The following ZNF83 variants were observed in gnomAD, a reference collection of about 807,000 sequenced individuals.
ZNF83 encodes zinc finger protein 816B.
For missense variants in ZNF83, 552 were observed against 629.9 expected (o/e 0.88, Z 1.32); for synonymous variants, 209 against 213.0 (o/e 0.98, Z 0.17).
At chr19:52,622,569 T>A (rs190759373) in intron 2 of ZNF83, among the ~76,000 whole-genome samples, 4 of 152,122 alleles carry the variant, frequency 2.6e-5, no homozygotes, top group African/African-American at 7.3e-5. Context: ...AGATTATGAT[T>A]TCCTGCCTAG....
In ZNF83 at chr19:52,613,100, C is replaced by G. The variant is rs1434814707; in HGVS notation, c.1465G>C (p.Glu489Gln). 2 of 1,613,820 alleles carry G rather than the reference C, an allele frequency of 1.2e-6. No individual in the cohort carries two copies. Among genetic ancestry groups the G allele is most frequent in the African/African-American group, 1.3e-5 (1 of 74,926 alleles). The change falls in exon 3 of 3, where the codon GAA becomes CAA. Residue 489 changes from glutamate to glutamine, a missense_variant. Transcript: ENST00000301096. ...TTGTCGCGGAAGAGTTTGCCACATT[C>G]ATTACATTTGAAATGTTTCTCTCCA...
chr19:52,676,748 A>G (rs1313202133), intron 1 of ZNF83, among the ~76,000 whole-genome samples: 21 of 139,948 alleles, frequency 1.5e-4, no homozygotes, highest in Non-Finnish European at 2.5e-4. Context: ...AGAAAGAAGT[A>G]GACATGGGAG....
At chr19:52,666,851 G>A (rs1462111150) in intron 1 of ZNF83, among the ~76,000 whole-genome samples, 1 of 152,166 alleles carries the variant, frequency 6.6e-6, no homozygotes, top group Non-Finnish European at 1.5e-5. Context: ...TCTCCCAGGT[G>A]ACTGAGGGAA....
chr19:52,615,841 C>CTTTT (rs930625266), intron 2 of ZNF83, among the ~76,000 whole-genome samples: 5 of 152,006 alleles, frequency 3.3e-5, no homozygotes, highest in Non-Finnish European at 7.4e-5. Flanking sequence ...ACTGATAAAT[C>CTTTT]TTTTTTTTCT....
intron 1 of ZNF83, among the ~76,000 whole-genome samples, chr19:52,683,069 C>G (rs2061949149): frequency 1.2e-5 from 1 of 80,122 alleles, no homozygotes; most frequent in South Asian, 3.0e-4. Context: ...TGAGGTTTCA[C>G]CATGTTGGCC....
chr19:52,643,833 C>T (rs2061338940), intron 3 of ZNF83, among the ~76,000 whole-genome samples: 1 of 152,130 alleles, frequency 6.6e-6, no homozygotes, highest in Non-Finnish European at 1.5e-5. Context: ...ACAGTGCTGT[C>T]ATCATTTAGG....
chr19:52,619,753 G>A (rs1197581188), intron 2 of ZNF83, among the ~76,000 whole-genome samples: 1 of 152,156 alleles, frequency 6.6e-6, no homozygotes, highest in Non-Finnish European at 1.5e-5. Context: ...CGGGCTCAAT[G>A]GCACATGCCT....
rs540491221 is a variant in ZNF83 at position 52,684,357 on chromosome 19, C to T, written c.-283+6086G>A. Among the ~76,000 whole-genome samples the T allele has an allele frequency of 2.8e-3, 423 of 151,616 alleles. 3 individuals are homozygous for T. The highest frequency in any genetic ancestry group is 9.9e-3 in the African/African-American group (408 of 41,342). ...CTCCAGCCTGGGTGACAGAGTGAGA[C>T]TCAAAAATAAAATATAATAAAATAA... On this transcript the variant is annotated intron_variant, in intron 1 of 5. Transcript: ENST00000594682.
intron 2 of ZNF83, among the ~76,000 whole-genome samples, chr19:52,625,053 G>A (rs1005048797): frequency 6.6e-6 from 1 of 151,046 alleles, no homozygotes; most frequent in African/African-American, 2.4e-5. Flanking sequence ...CTCCTTTCGT[G>A]TTCCTCATCC....
chr19:52,660,073 C>T (rs2061559242), intron 2 of ZNF83, among the ~76,000 whole-genome samples: 1 of 151,968 alleles, frequency 6.6e-6, no homozygotes, highest in African/African-American at 2.4e-5. Context: ...CGACTGTAAT[C>T]CCAGCTACTC....
At chr19:52,687,560 TTTATA>T (rs2062053451) in intron 1 of ZNF83, among the ~76,000 whole-genome samples, 3 of 29,610 alleles carry the variant, frequency 1.0e-4, no homozygotes, top group African/African-American at 3.1e-4. Flanking sequence ...ATGTGTAAAT[TTTATA>T]TATATATAAA....
intron 3 of ZNF83, among the ~76,000 whole-genome samples, chr19:52,645,862 A>C (rs1156856140): frequency 6.6e-6 from 1 of 152,012 alleles, no homozygotes; most frequent in Non-Finnish European, 1.5e-5. Flanking sequence ...AAACAGAAAA[A>C]AAAATAAAGT....
intron 2 of ZNF83, among the ~76,000 whole-genome samples, chr19:52,623,589 A>T (rs990085815): frequency 6.6e-6 from 1 of 151,928 alleles, no homozygotes; most frequent in African/African-American, 2.4e-5. Flanking sequence ...CCTTCTTCCC[A>T]ACCCAAAGCC....
intron 3 of ZNF83, chr19:52,655,354 T>G: frequency 2.0e-6 from 1 of 494,570 alleles, no homozygotes; most frequent in Non-Finnish European, 3.6e-6. Flanking sequence ...AAAGTGTTCA[T>G]GAATGTTCTG....
chr19:52,633,207 C>T (rs191435362), intron 2 of ZNF83, among the ~76,000 whole-genome samples: 1 of 151,884 alleles, frequency 6.6e-6, no homozygotes, highest in Non-Finnish European at 1.5e-5. Flanking sequence ...CCTTGTGGCC[C>T]CCACCCCTGC....
At chr19:52,681,295 A>AAAAAAAAAAAAAAAAAAAAAAAAAC (rs1468875868) in intron 1 of ZNF83, among the ~76,000 whole-genome samples, 1 of 151,038 alleles carries the variant, frequency 6.6e-6, no homozygotes, top group Non-Finnish European at 1.5e-5. Flanking sequence ...AAAAAAAAAA[A>AAAAAAAAAAAAAAAAAAAAAAAAAC]AAAAAAGCAA....
chr19:52,683,228 CTGTGTGTGTGTGTGTGTGT>C (rs2061952916), intron 1 of ZNF83, among the ~76,000 whole-genome samples: 1 of 127,970 alleles, frequency 7.8e-6, no homozygotes, highest in Non-Finnish European at 1.7e-5. Flanking sequence ...CCCTGTGACT[CTGTGTGTGTGTGTGTGTGT>C]GTGTGTGTGT....
At chr19:52,680,603 A>ATTTTTTTTT (rs1568582539) in intron 1 of ZNF83, among the ~76,000 whole-genome samples, 2 of 101,640 alleles carry the variant, frequency 2.0e-5, no homozygotes. Context: ...TTTTCCACAA[A>ATTTTTTTTT]ATATTTTTTT....
exon 3 of ZNF83, chr19:52,613,009 C>A: frequency 1.3e-6 from 2 of 1,575,922 alleles, no homozygotes; most frequent in Admixed American, 1.8e-5. Context: ...GAACACTCTG[C>A]CACATTAATT....
Sources: gnomAD v4.1 joint callset for allele counts (sites outside exome capture counted in the v4.1 genomes callset) on GRCh38, gnomAD v4.1.1 for gene constraint, MANE v1.5 for transcripts, NCBI Gene and HGNC (gene_info 2026-07-23, HGNC 2026-07-21) for gene names.